The following FHAD1 variants were observed in gnomAD, a reference collection of about 807,000 sequenced individuals.
The protein encoded by FHAD1 is forkhead associated phosphopeptide binding domain 1.
In FHAD1, 146 loss-of-function variants were observed where a neutral mutation model predicts 191.3. That is an observed-to-expected ratio of 0.76 (90% CI 0.67 to 0.88). The LOEUF is 0.88. Among genes scored for constraint, FHAD1 ranks in the 40% least tolerant of loss-of-function variants. The probability of loss-of-function intolerance (pLI) is 0.00; values close to 1 mark genes in which losing one functional copy is unlikely to be tolerated. For missense variants in FHAD1, 1,635 were observed against 1,785.8 expected, an observed-to-expected ratio of 0.92 and a Z score of 1.52; for synonymous variants, 616 against 672.3, an observed-to-expected ratio of 0.92 and a Z score of 1.29.
At chr1:15,392,339 T>G (rs907332357) in intron 33 of FHAD1, among the ~76,000 whole-genome samples, 1 of 152,150 alleles carries the variant, frequency 6.6e-6, no homozygotes, top group East Asian at 1.9e-4. Flanking sequence ...GAGACCATCC[T>G]GGCTAACACG....
intron 16 of FHAD1, among the ~76,000 whole-genome samples, chr1:15,343,351 C>T (rs1393272684): frequency 6.6e-6 from 1 of 152,004 alleles, no homozygotes; most frequent in Non-Finnish European, 1.5e-5. Flanking sequence ...TGCTGCCCCT[C>T]CTCACAGCCC....
chr1:15,360,778 T>C, intron 22 of FHAD1, 75 bp downstream of exon 22: 1 of 1,246,294 alleles, frequency 8.0e-7, no homozygotes, highest in Non-Finnish European at 1.1e-6. Flanking sequence ...CCCAACAGGC[T>C]GATGGCTAAG....
chr1:15,278,942 T>C (rs1201844181), intron 3 of FHAD1, among the ~76,000 whole-genome samples: 1 of 152,242 alleles, frequency 6.6e-6, no homozygotes, highest in African/African-American at 2.4e-5. Context: ...CTGGAAGTTT[T>C]TTTTTAAAAC....
chr1:15,365,951 T>G lies in FHAD1; in HGVS notation c.3154+18T>G. 6.6e-7 allele frequency: 1 copy of G among 1,511,118 alleles called. No homozygotes were observed. Among genetic ancestry groups the G allele is most frequent in the Non-Finnish European group, 9.0e-7 (1 of 1,110,134 alleles). 93.6% of individuals were successfully genotyped at this position (1,511,118 alleles called of 1,614,324 possible). The stretch of plus-strand genomic sequence containing the variant: ...TTTGAGAGGTTTGAACAATTTCTGG[T>G]GTCTCTTGACCTCCTGACCCACTCG... On this transcript the variant is annotated intron_variant, in intron 24 of 33. Coordinates refer to ENST00000688493, the MANE Select transcript of FHAD1 (RefSeq NM_001391957.1).
At chr1:15,336,148 AATTCTG>A (rs1347923315) in intron 14 of FHAD1, among the ~76,000 whole-genome samples, 1 of 152,176 alleles carries the variant, frequency 6.6e-6, no homozygotes, top group Non-Finnish European at 1.5e-5. Context: ...TCTAGGTCTG[AATTCTG>A]ATTCTAACAC....
At chr1:15,254,019 G>A (rs576317145) in intron 2 of FHAD1, among the ~76,000 whole-genome samples, 6 of 152,188 alleles carry the variant, frequency 3.9e-5, no homozygotes, top group African/African-American at 1.2e-4. Context: ...AAACGCAATC[G>A]ATTTTAAAAT....
intron 23 of FHAD1, among the ~76,000 whole-genome samples, chr1:15,365,279 C>T (rs879345802): frequency 1.3e-5 from 2 of 152,070 alleles, no homozygotes; most frequent in African/African-American, 2.4e-5. Context: ...ATGTTTGAGC[C>T]GCAGACTCAA....
chr1:15,396,955 C>T (rs541976952), intron 33 of FHAD1, among the ~76,000 whole-genome samples: 109 of 150,270 alleles, frequency 7.3e-4, no homozygotes, highest in African/African-American at 2.6e-3. Context: ...GAGGCCAAGA[C>T]GGGCGGATCA....
At chr1:15,361,592 C>T (rs1226827406) in intron 22 of FHAD1, among the ~76,000 whole-genome samples, 1 of 152,034 alleles carries the variant, frequency 6.6e-6, no homozygotes, top group Non-Finnish European at 1.5e-5. Context: ...CAGATTTTGT[C>T]CCCGTAGTAA....
At chr1:15,266,502 C>G (rs1013248423) in intron 2 of FHAD1, among the ~76,000 whole-genome samples, 5 of 151,926 alleles carry the variant, frequency 3.3e-5, no homozygotes, top group African/African-American at 1.2e-4. Flanking sequence ...CCACAACACT[C>G]ACACATACAC....
chr1:15,283,621 T>A (rs1303786947), intron 3 of FHAD1, among the ~76,000 whole-genome samples: 1 of 152,216 alleles, frequency 6.6e-6, no homozygotes, highest in East Asian at 1.9e-4. Context: ...TCATCGGCTC[T>A]CATGAGCCAG....
At chr1:15,328,611 C>A in intron 13 of FHAD1, 182 bp downstream of exon 13, 1 of 498,116 alleles carries the variant, frequency 2.0e-6, no homozygotes, top group Non-Finnish European at 3.4e-6. Flanking sequence ...AAAAAAATGC[C>A]TCCCGGGAGA....
chr1:15,323,270 G>A (rs1459388012), intron 10 of FHAD1, among the ~76,000 whole-genome samples: 1 of 152,180 alleles, frequency 6.6e-6, no homozygotes, highest in Non-Finnish European at 1.5e-5. Flanking sequence ...TGAAGAACAG[G>A]ACTGCCAGAG....
At chr1:15,247,859 T>C (rs1557904707) in intron 1 of FHAD1, among the ~76,000 whole-genome samples, 1 of 152,350 alleles carries the variant, frequency 6.6e-6, no homozygotes, top group East Asian at 1.9e-4. Context: ...ACTTGTGACC[T>C]ATAAGCAGGG....
At chr1:15,296,105 T>C (rs1666871741) in intron 4 of FHAD1, among the ~76,000 whole-genome samples, 1 of 152,106 alleles carries the variant, frequency 6.6e-6, no homozygotes, top group Non-Finnish European at 1.5e-5. Flanking sequence ...AGCTCTTCTG[T>C]GGCATAGGAA....
intron 14 of FHAD1, 129 bp from the exon 15 acceptor site, chr1:15,339,352 C>CCG: frequency 2.5e-6 from 1 of 393,588 alleles, no homozygotes; most frequent in Non-Finnish European, 4.8e-6. Context: ...TTATCAACTA[C>CCG]TTTAAAACCA....
chr1:15,308,185 C>G (rs901913110), intron 6 of FHAD1, among the ~76,000 whole-genome samples: 2 of 152,152 alleles, frequency 1.3e-5, no homozygotes, highest in Non-Finnish European at 2.9e-5. Context: ...CTAGAGTGTT[C>G]TGTGAGATAT....
At chr1:15,278,004 G>T (rs1423662024) in intron 3 of FHAD1, among the ~76,000 whole-genome samples, 1 of 152,128 alleles carries the variant, frequency 6.6e-6, no homozygotes, top group African/African-American at 2.4e-5. Flanking sequence ...ATTTTTCGGG[G>T]TTATAGATGG....
At chr1:15,271,889 A>AC (rs1656183696) in intron 2 of FHAD1, among the ~76,000 whole-genome samples, 1 of 152,114 alleles carries the variant, frequency 6.6e-6, no homozygotes, top group African/African-American at 2.4e-5. Context: ...CACCATAAAT[A>AC]CCCATGTGGA....
Sources: gnomAD v4.1 joint callset for allele counts (sites outside exome capture counted in the v4.1 genomes callset) on GRCh38, gnomAD v4.1.1 for gene constraint, MANE v1.5 for transcripts, NCBI Gene and HGNC (gene_info 2026-07-23, HGNC 2026-07-21) for gene names.